Variants in SETD2 observed in about 807,000 individuals in gnomAD.
The protein encoded by SETD2 is histone-lysine N-methyltransferase SETD2.
SETD2 carries 31 observed loss-of-function variants against 242.1 expected under a neutral mutation model. The observed-to-expected ratio is 0.13, with a 90% confidence interval of 0.10 to 0.17. SETD2 has a LOEUF of 0.17. Ranked by LOEUF, SETD2 falls within the 10% of genes least tolerant of loss-of-function variation. The pLI is 1.00. For missense variants in SETD2, 2,481 were observed against 3,046.3 expected (o/e 0.81, Z 4.37); for synonymous variants, 1,006 against 1,066.5 (o/e 0.94, Z 1.11).
chr3:47,144,907 C>T (rs1236055560), intron 1 of SETD2, among the ~76,000 whole-genome samples: 1 of 152,124 alleles, frequency 6.6e-6, no homozygotes, highest in East Asian at 1.9e-4. Context: ...GCTGAGATCA[C>T]ACCACTGCAC....
upstream of SETD2, among the ~76,000 whole-genome samples, chr3:47,164,121 A>G (rs546035834): frequency 1.2e-3 from 180 of 149,554 alleles, 1 homozygote; most frequent in Non-Finnish European, 2.2e-3. The surrounding 1 kb of genome is among the most constrained non-coding windows in gnomAD (Gnocchi z 5.4). Flanking sequence ...TCTCCCTCTC[A>G]CCCTCACACC....
intron 1 of SETD2, among the ~76,000 whole-genome samples, chr3:47,155,549 A>ACACC (rs1379459197): frequency 6.6e-6 from 1 of 152,196 alleles, no homozygotes; most frequent in African/African-American, 2.4e-5. Context: ...GCAGTGGCTC[A>ACACC]CACCTGTAAT....
chr3:47,031,529 A>G lies in SETD2; in HGVS notation c.7350+6137T>C, dbSNP rs1347372709. Among the ~76,000 whole-genome samples, 3 of 152,254 alleles carry G rather than the reference A, an allele frequency of 2.0e-5. No individual in the cohort carries two copies. In the East Asian group the frequency reaches 5.8e-4, roughly 29 times the overall value. ...CAACAGTAGATCTGAAATACTAGAA[A>G]TGTTAAAGGAAATTCTTTAGGCTAA... is the stretch of plus-strand genomic sequence containing the variant. On this transcript the variant is annotated intron_variant, in intron 18 of 20. Transcript: ENST00000409792.
intron 17 of SETD2, among the ~76,000 whole-genome samples, chr3:47,039,684 G>A (rs1264801077): frequency 2.2e-5 from 3 of 139,426 alleles, no homozygotes; most frequent in Admixed American, 7.3e-5. Context: ...TGGCCAACAC[G>A]GTTAAACCCT....
rs1697590771 is a variant in SETD2, at chr3:47,163,990, G to A, written c.-66C>T. ...AGCAGGGCGACGCGGGGGAGGGGAGGGGAGGAGGCCGCAGGTCCGACCGCG... is the reference window on the plus strand; with the variant it reads ...AGCAGGGCGACGCGGGGGAGGGGAGAGGAGGAGGCCGCAGGTCCGACCGCG... On this transcript the variant is annotated 5_prime_UTR_variant, in exon 1 of 21. Coordinates refer to ENST00000409792, the MANE Select transcript of SETD2 (RefSeq NM_014159.7). The A allele has an allele frequency of 5.6e-6, 7 of 1,246,904 alleles. No homozygotes were observed. Among genetic ancestry groups the A allele is most frequent in the Middle Eastern group, 2.4e-4 (1 of 4,118 alleles). The allele number at this position is 1,246,904 out of a possible 1,614,324, so 77.2% of individuals were successfully genotyped here.
At chr3:47,160,309 AT>A (rs905334688) in intron 1 of SETD2, among the ~76,000 whole-genome samples, 5 of 149,872 alleles carry the variant, frequency 3.3e-5, no homozygotes, top group Non-Finnish European at 7.4e-5. Flanking sequence ...TAATTTTATT[AT>A]TTTTTTTTCG....
At chr3:47,126,730 T>A in intron 1 of SETD2, 67 bp from the exon 2 acceptor site, 1 of 917,400 alleles carries the variant, frequency 1.1e-6, no homozygotes, top group Non-Finnish European at 1.7e-6. Flanking sequence ...TAAAAACGAT[T>A]GAAATAATAG....
intron 1 of SETD2, among the ~76,000 whole-genome samples, chr3:47,137,366 T>C (rs1312104025): frequency 1.3e-5 from 2 of 151,538 alleles, no homozygotes; most frequent in Non-Finnish European, 2.9e-5. Context: ...CTAATTTTTG[T>C]ATTTTTAGTA....
intron 15 of SETD2, among the ~76,000 whole-genome samples, chr3:47,050,687 G>C (rs367743310): frequency 5.6e-5 from 8 of 141,982 alleles, no homozygotes; most frequent in African/African-American, 2.1e-4. Context: ...AAGCATTACA[G>C]ATAAGGGATA....
At chr3:47,109,217 A>G (rs1404282164) in intron 5 of SETD2, among the ~76,000 whole-genome samples, 4 of 152,246 alleles carry the variant, frequency 2.6e-5, no homozygotes, top group African/African-American at 9.6e-5. Context: ...TGATAGATAA[A>G]AAAGAGACGG....
intron 12 of SETD2, among the ~76,000 whole-genome samples, chr3:47,081,715 A>G (rs1477850475): frequency 6.6e-6 from 1 of 152,228 alleles, no homozygotes; most frequent in African/African-American, 2.4e-5. Context: ...AGTAAATGTT[A>G]ATTAGAATGA....
rs879001663 is a variant in SETD2, at chr3:47,057,247, G to A, written c.6537C>T (p.Pro2179=). 2 of 1,614,104 alleles carry A rather than the reference G, an allele frequency of 1.2e-6. No homozygotes were observed. The highest frequency in any genetic ancestry group is 1.7e-5 in the Admixed American group (1 of 60,006). Residue 2179 remains proline, a synonymous_variant, in exon 15 of 21, where the codon CCC becomes CCT. Transcript: ENST00000409792. ...PGYPMQAYVD[P]SNPNAGKVLL... is the part of the protein sequence containing the mutation. ...GCACCTTTCCAGCATTAGGGTTGCT[G>A]GGATCCACATAGGCCTGCATGGGAT...
chr3:47,131,900 C>T (rs1431798756), intron 1 of SETD2, among the ~76,000 whole-genome samples: 3 of 151,718 alleles, frequency 2.0e-5, no homozygotes, highest in Non-Finnish European at 2.9e-5. Flanking sequence ...GCCTCAGCCT[C>T]GCGAGTAGCT....
chr3:47,154,360 G>A (rs992224136), intron 1 of SETD2, among the ~76,000 whole-genome samples: 2 of 152,066 alleles, frequency 1.3e-5, no homozygotes, highest in African/African-American at 4.8e-5. Flanking sequence ...AGTGAGCCGA[G>A]ATTGTGCCAC....
chr3:47,101,009 C>CAAAAAAAAAAA (rs1164475680), intron 8 of SETD2, among the ~76,000 whole-genome samples: 1 of 23,100 alleles, frequency 4.3e-5, no homozygotes, highest in Non-Finnish European at 8.7e-5. Context: ...GAGTCCATCT[C>CAAAAAAAAAAA]AAAAAAAAAA....
At chr3:47,065,583 G>T (rs1013614181) in intron 13 of SETD2, among the ~76,000 whole-genome samples, 15 of 152,074 alleles carry the variant, frequency 9.9e-5, no homozygotes, top group South Asian at 4.1e-4. Flanking sequence ...AGCACTTAAG[G>T]ACAAGAGTTC....
At chr3:47,126,710 CATAA>C (rs2043340819) in intron 1 of SETD2, 47 bp from the exon 2 acceptor site, 2 of 1,099,366 alleles carry the variant, frequency 1.8e-6, no homozygotes, top group East Asian at 5.2e-5. Context: ...AAAAAGAAAT[CATAA>C]ATACTTAAAA....
chr3:47,131,559 G>T (rs1043875532), intron 1 of SETD2, among the ~76,000 whole-genome samples: 2 of 151,988 alleles, frequency 1.3e-5, no homozygotes, highest in African/African-American at 4.8e-5. Context: ...TAGCCAGGAT[G>T]GTCTCGATCT....
rs1442104924 is a variant in SETD2, at chr3:47,106,009, C to T, written c.4827G>A (p.Leu1609=). 1 of 1,612,506 alleles carries T rather than the reference C, an allele frequency of 6.2e-7. No individual in the cohort carries two copies. The highest frequency in any genetic ancestry group is 8.5e-7 in the Non-Finnish European group (1 of 1,179,306). ...CCAAGCTGCTTACCTCATCATTCTT[C>T]AGGGCCATGAAATAGTAATGGATGT... ...NKNIHYYFMA[L]KNDEIIDATQ... Residue 1609 remains leucine (L), a synonymous_variant, in exon 6 of 21, where the codon CTG becomes CTA. Transcript: ENST00000409792.
Sources: allele counts gnomAD v4.1 joint callset (sites outside exome capture counted in the v4.1 genomes callset), GRCh38; gene constraint gnomAD v4.1.1; non-coding constraint Gnocchi (gnomAD v3.1); transcripts MANE v1.5; gene names NCBI Gene and HGNC (gene_info 2026-07-23, HGNC 2026-07-21).